The following CREB5 variants were observed in gnomAD, a reference collection of about 807,000 sequenced individuals.
The protein encoded by CREB5 is cyclic AMP-responsive element-binding protein 5.
CREB5 carries 19 observed loss-of-function variants against 57.1 expected under a neutral mutation model. That is an observed-to-expected ratio of 0.33 (90% CI 0.23 to 0.49). CREB5 has a LOEUF of 0.49. CREB5 is among the 20% of genes least tolerant of loss of function. CREB5 has a pLI of 0.99. For missense variants in CREB5, 579 were observed against 671.6 expected, an observed-to-expected ratio of 0.86 and a Z score of 1.52; for synonymous variants, 238 against 238.3, an observed-to-expected ratio of 1.00 and a Z score of 0.01.
At chr7:28,559,581 C>T (rs368400028) in intron 4 of CREB5, among the ~76,000 whole-genome samples, 9 of 151,932 alleles carry the variant, frequency 5.9e-5, no homozygotes, top group African/African-American at 1.9e-4. Flanking sequence ...TCCCAAAAAG[C>T]TGGGATTACA....
rs1342485250 is a variant in CREB5 at position 28,560,849 on chromosome 7, T to TGCGC, written c.292-9515_292-9514insCGCG. 4.6e-5 allele frequency among the ~76,000 whole-genome samples: 4 copies of TGCGC among 87,132 alleles called. 1 individual carries two copies. Among genetic ancestry groups the TGCGC allele is most frequent in the Admixed American group, 1.0e-4 (1 of 9,722 alleles). The allele number at this position is 87,132 out of a possible 152,430, so 57.2% of individuals were successfully genotyped here. A position where few individuals can be genotyped will look rare whatever the true frequency, so the allele number is the denominator to read the frequency against. On this transcript the variant is annotated intron_variant, in intron 4 of 10. Coordinates refer to ENST00000357727, the MANE Select transcript of CREB5 (RefSeq NM_182898.4). ...GCGCGCGCGCGTGTGTGTGTGCGCGTGTGTGTGTGCGTGTGCCTGCGTGCG... is the reference window on the plus strand; with the variant it reads ...GCGCGCGCGCGTGTGTGTGTGCGCGTGCGCGTGTGTGTGCGTGTGCCTGCGTGCG...
chr7:28,541,375 A>T (rs1376784612), intron 4 of CREB5, among the ~76,000 whole-genome samples: 1 of 152,014 alleles, frequency 6.6e-6, no homozygotes, highest in African/African-American at 2.4e-5. Context: ...CAGAGAAAAA[A>T]CCTTTATCCT....
intron 1 of CREB5, among the ~76,000 whole-genome samples, chr7:28,397,883 A>G (rs543927469): frequency 1.3e-5 from 2 of 152,308 alleles, no homozygotes; most frequent in African/African-American, 2.4e-5. Flanking sequence ...ACTTTTGCCT[A>G]TGGAGCTAGT....
At chr7:28,763,905 T>G (rs1201977283) in intron 7 of CREB5, among the ~76,000 whole-genome samples, 1 of 152,016 alleles carries the variant, frequency 6.6e-6, no homozygotes, top group South Asian at 2.1e-4. Context: ...ACTTGAATGA[T>G]TCTCCCACCT....
At chr7:28,743,694 G>A (rs1416765653) in intron 7 of CREB5, among the ~76,000 whole-genome samples, 2 of 152,072 alleles carry the variant, frequency 1.3e-5, no homozygotes, top group Admixed American at 1.3e-4. Flanking sequence ...CAAGATCAAG[G>A]TGTCAGTGGG....
At chr7:28,422,668 T>G (rs1788320307) in intron 1 of CREB5, among the ~76,000 whole-genome samples, 1 of 152,182 alleles carries the variant, frequency 6.6e-6, no homozygotes, top group Non-Finnish European at 1.5e-5. Flanking sequence ...ATGAATATGA[T>G]CAGTTTCATG....
chr7:28,720,221 A>G (rs1056662010), intron 6 of CREB5, among the ~76,000 whole-genome samples: 5 of 152,252 alleles, frequency 3.3e-5, no homozygotes, highest in Non-Finnish European at 5.9e-5. Flanking sequence ...CGGAGTTCTC[A>G]GAAGCCCTAG....
chr7:28,681,445 C>T (rs1800586008), intron 5 of CREB5, among the ~76,000 whole-genome samples: 1 of 152,068 alleles, frequency 6.6e-6, no homozygotes, highest in South Asian at 2.1e-4. Flanking sequence ...TCATGCCTCA[C>T]TGTAGTCTTG....
At chr7:28,693,094 T>A (rs1801359195) in intron 5 of CREB5, among the ~76,000 whole-genome samples, 1 of 150,112 alleles carries the variant, frequency 6.7e-6, no homozygotes, top group South Asian at 2.1e-4. Context: ...AACAAAGTCT[T>A]TCTTTCTCTC....
chr7:28,732,211 G>A (rs761958070), intron 7 of CREB5, among the ~76,000 whole-genome samples: 18 of 152,024 alleles, frequency 1.2e-4, no homozygotes, highest in Non-Finnish European at 1.9e-4. Context: ...AGGACTCATT[G>A]TCTTCTCGGT....
At chr7:28,518,523 G>A (rs1257247633) in intron 4 of CREB5, among the ~76,000 whole-genome samples, 4 of 152,140 alleles carry the variant, frequency 2.6e-5, no homozygotes, top group Non-Finnish European at 5.9e-5. Context: ...GGCATGGTTG[G>A]CCCAGGCATT....
intron 1 of CREB5, among the ~76,000 whole-genome samples, chr7:28,396,885 C>T (rs1261622752): frequency 1.3e-5 from 2 of 152,182 alleles, no homozygotes; most frequent in Non-Finnish European, 2.9e-5. Flanking sequence ...CCTCCTTATA[C>T]ACTGGATTAT....
chr7:28,718,946 C>G, intron 6 of CREB5, 67 bp downstream of exon 6: 4 of 1,603,518 alleles, frequency 2.5e-6, no homozygotes, highest in Non-Finnish European at 3.4e-6. Flanking sequence ...CTTGAAAGGG[C>G]AAAGGAAACT....
At chr7:28,560,891 T>TGTGTGTGTGCGC (rs1562797545) in intron 4 of CREB5, among the ~76,000 whole-genome samples, 2 of 19,726 alleles carry the variant, frequency 1.0e-4, no homozygotes, top group East Asian at 3.2e-3. Flanking sequence ...TGCGTGCGTG[T>TGTGTGTGTGCGC]GTGTGCGTGC....
intron 1 of CREB5, among the ~76,000 whole-genome samples, chr7:28,425,914 C>T (rs887403523): frequency 2.8e-4 from 43 of 152,330 alleles, no homozygotes; most frequent in African/African-American, 9.9e-4. Flanking sequence ...CAAACTCATC[C>T]TTATACCAGT....
intron 1 of CREB5, among the ~76,000 whole-genome samples, chr7:28,364,577 T>G (rs1786551522): frequency 6.6e-6 from 1 of 152,306 alleles, no homozygotes; most frequent in East Asian, 1.9e-4. Context: ...CCCTCCATCA[T>G]GCTCCAGACC....
chr7:28,658,864 C>T (rs972298760), intron 5 of CREB5, among the ~76,000 whole-genome samples: 19 of 149,774 alleles, frequency 1.3e-4, no homozygotes, highest in African/African-American at 4.7e-4. Flanking sequence ...TAGACTATTT[C>T]CAATAAATGA....
chr7:28,479,702 C>G (rs1178908811), intron 1 of CREB5, among the ~76,000 whole-genome samples: 3 of 152,188 alleles, frequency 2.0e-5, no homozygotes, highest in Non-Finnish European at 4.4e-5. Context: ...GGGAATGCCC[C>G]AGCTTTCTGC....
At chr7:28,458,056 A>C (rs1286214578) in intron 1 of CREB5, among the ~76,000 whole-genome samples, 2 of 152,172 alleles carry the variant, frequency 1.3e-5, no homozygotes, top group Non-Finnish European at 2.9e-5. Context: ...CTGTGTTCCT[A>C]CTTAGGTGAC....
Sources: gnomAD v4.1 joint callset for allele counts (sites outside exome capture counted in the v4.1 genomes callset) on GRCh38, gnomAD v4.1.1 for gene constraint, MANE v1.5 for transcripts, NCBI Gene and HGNC (gene_info 2026-07-23, HGNC 2026-07-21) for gene names.